Variants in PCNX2 observed in about 807,000 individuals in gnomAD.
PCNX2 encodes pecanex 2.
Under a neutral mutation model 223.8 loss-of-function variants are expected in PCNX2, and 168 were observed. That is an observed-to-expected ratio of 0.75 (90% confidence interval 0.66 to 0.85). The LOEUF (loss-of-function observed/expected upper bound fraction) is 0.85. PCNX2 is among the 40% of genes least tolerant of loss of function. The pLI, the probability that PCNX2 is intolerant of heterozygous loss-of-function variation, is 0.00. For missense variants in PCNX2, 2,507 were observed against 2,675.5 expected (o/e 0.94, Z 1.39); for synonymous variants, 1,006 against 1,052.6 (o/e 0.96, Z 0.86).
At position 232,986,190 on chromosome 1, in the gene PCNX2, A is replaced by G. The variant is rs1669471228; in HGVS notation, c.6142T>C (p.Ser2048Pro). Residue 2048 changes from serine (S) to proline (P), a missense_variant, in exon 33 of 34, where the codon TCT becomes CCT. Ser to Pro is a moderately conservative substitution (Grantham distance 74). Around this residue, in one of 3 missense-constraint regions of PCNX2, gnomAD observed 1,372 missense variants for 1,509.4 expected, o/e 0.91. Coordinates refer to ENST00000258229, the MANE Select transcript of PCNX2 (RefSeq NM_014801.4). ...FSSALVISGL[S>P]AAEGGNTSDT... ...CTGGTATTGCCCCCCTCCGCAGCAGAGAGTCCGGAAATGACGAGCGCGCTG... is the reference window on the plus strand; with the variant it reads ...CTGGTATTGCCCCCCTCCGCAGCAGGGAGTCCGGAAATGACGAGCGCGCTG... 6.4e-7 allele frequency: 1 copy of G among 1,561,174 alleles called. No individual in the cohort carries two copies. The highest frequency in any genetic ancestry group is 8.7e-7 in the Non-Finnish European group (1 of 1,151,976).
At chr1:233,085,659 G>A (rs1190255321) in intron 23 of PCNX2, among the ~76,000 whole-genome samples, 3 of 152,136 alleles carry the variant, frequency 2.0e-5, no homozygotes, top group Non-Finnish European at 4.4e-5. Flanking sequence ...TCTGAGGCTA[G>A]GCCAGAAAAA....
At chr1:233,133,316 A>C (rs527962808) in intron 21 of PCNX2, among the ~76,000 whole-genome samples, 1 of 152,222 alleles carries the variant, frequency 6.6e-6, no homozygotes, top group Non-Finnish European at 1.5e-5. Context: ...GTGAGATGAC[A>C]GAAATTGATA....
intron 25 of PCNX2, among the ~76,000 whole-genome samples, chr1:233,035,252 A>G (rs925774692): frequency 6.6e-6 from 1 of 152,184 alleles, no homozygotes; most frequent in East Asian, 1.9e-4. Context: ...TGGTCCTTCA[A>G]TTTCCCTTCT....
chr1:233,147,907 A>T (rs1003461915), intron 19 of PCNX2, among the ~76,000 whole-genome samples: 2 of 152,252 alleles, frequency 1.3e-5, no homozygotes, highest in Non-Finnish European at 2.9e-5. Context: ...AAGGGAAAAA[A>T]TCTTTTGGGG....
intron 1 of PCNX2, among the ~76,000 whole-genome samples, chr1:233,269,465 C>T (rs936611629): frequency 6.6e-6 from 1 of 152,122 alleles, no homozygotes; most frequent in African/African-American, 2.4e-5. Flanking sequence ...AAAGCAAAGG[C>T]ACTTCTCCAA....
intron 12 of PCNX2, among the ~76,000 whole-genome samples, chr1:233,209,764 T>C (rs143803356): frequency 1.3e-5 from 2 of 152,310 alleles, no homozygotes; most frequent in African/African-American, 4.8e-5. Context: ...CTTATGAAAT[T>C]TCCTTTTGAA....
At chr1:233,031,213 G>A (rs549809285) in intron 25 of PCNX2, among the ~76,000 whole-genome samples, 1 of 152,240 alleles carries the variant, frequency 6.6e-6, no homozygotes, top group South Asian at 2.1e-4. Context: ...TTTCAGTACT[G>A]GTTATTCACT....
chr1:233,235,957 A>AATATAT (rs1553319644), intron 9 of PCNX2, among the ~76,000 whole-genome samples: 1,203 of 92,976 alleles, frequency 0.013, 17 homozygotes, highest in South Asian at 0.026. Flanking sequence ...CATAAAAAAA[A>AATATAT]ATATATATAT....
At chr1:233,103,350 A>G (rs993850459) in intron 21 of PCNX2, among the ~76,000 whole-genome samples, 2 of 152,030 alleles carry the variant, frequency 1.3e-5, no homozygotes, top group Non-Finnish European at 2.9e-5. Flanking sequence ...TCTCCTTGTT[A>G]TGTTATCAAA....
chr1:233,223,149 C>G (rs1426601001), intron 10 of PCNX2, among the ~76,000 whole-genome samples: 1 of 152,104 alleles, frequency 6.6e-6, no homozygotes, highest in African/African-American at 2.4e-5. Flanking sequence ...AGAAGGAAAA[C>G]CAAGAGAATG....
intron 9 of PCNX2, chr1:233,232,985 GA>G: frequency 1.4e-5 from 14 of 985,392 alleles, no homozygotes; most frequent in Non-Finnish European, 1.7e-5. Context: ...GAATGAGTTG[GA>G]GACCATATCC....
chr1:233,315,292 A>G, the PCNX2 span, among the ~76,000 whole-genome samples: 1 of 152,168 alleles, frequency 6.6e-6, no homozygotes, highest in South Asian at 2.1e-4. Flanking sequence ...TATTTCATGA[A>G]AGAAACCGGA....
intron 19 of PCNX2, among the ~76,000 whole-genome samples, chr1:233,147,612 C>G (rs1039895999): frequency 6.6e-6 from 1 of 151,968 alleles, no homozygotes; most frequent in Non-Finnish European, 1.5e-5. Context: ...GTAAGTGGAC[C>G]ACACAGTTCA....
At chr1:233,032,652 T>C (rs1671310958) in intron 25 of PCNX2, among the ~76,000 whole-genome samples, 1 of 151,994 alleles carries the variant, frequency 6.6e-6, no homozygotes, top group Non-Finnish European at 1.5e-5. Flanking sequence ...CTGTGATCTG[T>C]GTATCCATGC....
chr1:233,039,710 T>C (rs1395993996), intron 25 of PCNX2, among the ~76,000 whole-genome samples: 1 of 152,218 alleles, frequency 6.6e-6, no homozygotes, highest in African/African-American at 2.4e-5. Context: ...ATAAACTTTG[T>C]AAGGCTATTG....
chr1:233,205,693 C>CA (rs912049157), intron 13 of PCNX2, among the ~76,000 whole-genome samples: 467 of 138,962 alleles, frequency 3.4e-3, no homozygotes, highest in Middle Eastern at 7.8e-3. Flanking sequence ...GATCCCATCT[C>CA]AAAAAAAAAA....
intron 21 of PCNX2, among the ~76,000 whole-genome samples, chr1:233,120,164 CAAAAAAAAAAAAA>C (rs1228898502): frequency 2.3e-5 from 1 of 42,668 alleles, no homozygotes; most frequent in South Asian, 8.7e-4. Context: ...GACTCCATTT[CAAAAAAAAAAAAA>C]AAAAAAAGAA....
At chr1:233,033,028 A>G (rs1368477885) in intron 25 of PCNX2, 1 of 985,338 alleles carries the variant, frequency 1.0e-6, no homozygotes, top group Non-Finnish European at 1.2e-6. Flanking sequence ...GAAGGTTCAA[A>G]GCATATTCCC....
intron 4 of PCNX2, 58 bp from the exon 5 acceptor site, chr1:233,259,402 G>A (rs972229106): frequency 6.7e-7 from 1 of 1,494,376 alleles, no homozygotes; most frequent in Admixed American, 2.4e-5. Context: ...ATGCCCAAGA[G>A]CAAGACCTAA....
Sources: gnomAD v4.1 joint callset for allele counts (sites outside exome capture counted in the v4.1 genomes callset) on GRCh38, gnomAD v4.1.1 for gene constraint, gnomAD v4.1.1 regional missense constraint, MANE v1.5 for transcripts, NCBI Gene and HGNC (gene_info 2026-07-23, HGNC 2026-07-21) for gene names.